Variants in MANBAL observed in about 807,000 individuals in gnomAD.
The protein encoded by MANBAL is mannosidase beta like.
Under a neutral mutation model 6.4 loss-of-function variants are expected in MANBAL, and 1 was observed. The ratio of observed to expected loss-of-function variants is 0.16; its 90% CI spans 0.06 to 0.74. MANBAL has a LOEUF of 0.74. Among genes scored for constraint, MANBAL ranks in the 30% least tolerant of loss-of-function variants. MANBAL has a pLI of 0.78. For synonymous variants in MANBAL, 47 were observed against 45.8 expected, an observed-to-expected ratio of 1.03 and a Z score of -0.10; for missense variants, 100 against 107.8, an observed-to-expected ratio of 0.93 and a Z score of 0.32.
chr20:37,292,539 A>G (rs938245413), intron 1 of MANBAL, among the ~76,000 whole-genome samples: 1 of 152,156 alleles, frequency 6.6e-6, no homozygotes, highest in African/African-American at 2.4e-5. Context: ...ACCTCAGGTG[A>G]TCCACCTGCC....
At chr20:37,295,724 A>G (rs1233942909) in intron 1 of MANBAL, among the ~76,000 whole-genome samples, 1 of 152,162 alleles carries the variant, frequency 6.6e-6, no homozygotes, top group African/African-American at 2.4e-5. Context: ...ACCACCTCCC[A>G]GTGTGGTGGT....
chr20:37,301,473 A>T, intron 2 of MANBAL, 60 bp downstream of exon 2: 1 of 1,550,706 alleles, frequency 6.4e-7, no homozygotes, highest in Non-Finnish European at 8.8e-7. Flanking sequence ...CTGAGTACTA[A>T]CAGTAGGTGC....
Position 37,305,789 on chromosome 20 carries a change from AG to A in MANBAL, c.150+4381del, listed in dbSNP as rs542119866. Among the ~76,000 whole-genome samples the A allele has an allele frequency of 1.4e-3, 206 of 151,624 alleles. 1 individual carries two copies. The highest frequency in any genetic ancestry group is 1.8e-3 in the Admixed American group (27 of 15,218). The stretch of plus-strand genomic sequence containing the variant: ...GGGAGCAAATGGCCCCAGGTTATAC[AG>A]GGGGTTCTGTCGCTAGCTCTCTGTG... On this transcript the variant is annotated intron_variant, in intron 2 of 2. Coordinates refer to ENST00000373606, the MANE Select transcript of MANBAL (RefSeq NM_001003897.2).
At chr20:37,311,497 G>A (rs1490628437) in intron 2 of MANBAL, among the ~76,000 whole-genome samples, 1 of 152,136 alleles carries the variant, frequency 6.6e-6, no homozygotes, top group African/African-American at 2.4e-5. Context: ...TTTGTTTTGA[G>A]CGAAACTTTT....
intron 2 of MANBAL, among the ~76,000 whole-genome samples, chr20:37,313,897 G>T (rs2069445646): frequency 6.6e-6 from 1 of 152,230 alleles, no homozygotes. Context: ...GTTGATGAAG[G>T]TGACCAGCGG....
intron 2 of MANBAL, among the ~76,000 whole-genome samples, chr20:37,304,290 GATTTA>G (rs1830295415): frequency 6.6e-6 from 1 of 151,966 alleles, no homozygotes; most frequent in Non-Finnish European, 1.5e-5. Context: ...TTAAAATTTT[GATTTA>G]ATTTGTTGTT....
At chr20:37,312,774 T>A (rs1203032995) in intron 2 of MANBAL, among the ~76,000 whole-genome samples, 1 of 152,124 alleles carries the variant, frequency 6.6e-6, no homozygotes, top group East Asian at 1.9e-4. Flanking sequence ...ACCTCTCGAG[T>A]AGCTGGGAGG....
chr20:37,306,208 A>C (rs1422427181), intron 2 of MANBAL, among the ~76,000 whole-genome samples: 1 of 152,220 alleles, frequency 6.6e-6, no homozygotes, highest in African/African-American at 2.4e-5. Flanking sequence ...CCTCTTGCTT[A>C]GCCTATAGAA....
At chr20:37,299,571 C>G (rs1395312555) in intron 1 of MANBAL, among the ~76,000 whole-genome samples, 1 of 152,134 alleles carries the variant, frequency 6.6e-6, no homozygotes, top group East Asian at 1.9e-4. Flanking sequence ...CATTGTGGCA[C>G]AGATCTCTGG....
At chr20:37,309,399 G>C (rs1281267117) in intron 2 of MANBAL, among the ~76,000 whole-genome samples, 1 of 152,154 alleles carries the variant, frequency 6.6e-6, no homozygotes, top group Non-Finnish European at 1.5e-5. Flanking sequence ...GCCACATTTA[G>C]CTGCCTACTC....
At chr20:37,315,486 C>G (rs1317475421) in intron 2 of MANBAL, among the ~76,000 whole-genome samples, 1 of 152,218 alleles carries the variant, frequency 6.6e-6, no homozygotes, top group East Asian at 1.9e-4. Flanking sequence ...CCTGGAGTCT[C>G]CCTTCCTTAT....
chr20:37,297,711 C>T (rs887520299), intron 1 of MANBAL, among the ~76,000 whole-genome samples: 6 of 151,338 alleles, frequency 4.0e-5, no homozygotes, highest in Non-Finnish European at 8.8e-5. Context: ...GGCGTGATCT[C>T]GGCCCACTGC....
At chr20:37,315,706 G>A (rs2069496753) in intron 2 of MANBAL, among the ~76,000 whole-genome samples, 5 of 152,188 alleles carry the variant, frequency 3.3e-5, no homozygotes, top group Admixed American at 1.3e-4. Flanking sequence ...GACAGGCTCC[G>A]CAGAACACAG....
chr20:37,292,169 A>G (rs2068886185), intron 1 of MANBAL, among the ~76,000 whole-genome samples: 1 of 152,200 alleles, frequency 6.6e-6, no homozygotes, highest in South Asian at 2.1e-4. Flanking sequence ...GCACACATTT[A>G]AGGAGTGTGG....
rs779069594 is a variant in MANBAL at position 37,301,403 on chromosome 20, C to A, written c.140C>A (p.Ser47Tyr). Residue 47 changes from serine (S) to tyrosine (Y), a missense_variant, in exon 2 of 3, where the codon TCC becomes TAC. Ser to Tyr is a moderately radical substitution (Grantham distance 144). Transcript: ENST00000373606. ...GCCATCATCGTACCCATTCCCAAGT[C>A]CCACGAGGCGGTGAGTTTTTCCCTG... ...VLAIIVPIPKSHEAEAEPSEP... is the reference protein window; with the variant it reads ...VLAIIVPIPKYHEAEAEPSEP... 2 of 1,611,550 alleles carry A rather than the reference C, an allele frequency of 1.2e-6. No individual in the cohort carries two copies. The highest frequency in any genetic ancestry group is 2.7e-5 in the African/African-American group (2 of 74,838).
intron 2 of MANBAL, among the ~76,000 whole-genome samples, chr20:37,303,186 T>G (rs1011834725): frequency 6.6e-6 from 1 of 152,198 alleles, no homozygotes; most frequent in Non-Finnish European, 1.5e-5. Context: ...GCTGGAATTA[T>G]AGGCATGAGC....
intron 2 of MANBAL, among the ~76,000 whole-genome samples, chr20:37,309,652 G>A (rs1218332216): frequency 6.6e-6 from 1 of 152,130 alleles, no homozygotes; most frequent in Admixed American, 6.5e-5. Flanking sequence ...TCATCAGTAT[G>A]GTGAGCCACC....
At chr20:37,295,727 G>A (rs961941495) in intron 1 of MANBAL, among the ~76,000 whole-genome samples, 3 of 152,236 alleles carry the variant, frequency 2.0e-5, no homozygotes, top group Non-Finnish European at 4.4e-5. Context: ...ACCTCCCAGT[G>A]TGGTGGTGAA....
intron 2 of MANBAL, among the ~76,000 whole-genome samples, chr20:37,315,429 A>G (rs2069487610): frequency 6.6e-6 from 1 of 151,908 alleles, no homozygotes; most frequent in Non-Finnish European, 1.5e-5. Flanking sequence ...TATTCCAGAT[A>G]CTTCTCTGAC....
Sources: allele counts gnomAD v4.1 joint callset (sites outside exome capture counted in the v4.1 genomes callset), GRCh38; gene constraint gnomAD v4.1.1; transcripts MANE v1.5; gene names NCBI Gene and HGNC (gene_info 2026-07-23, HGNC 2026-07-21).